The following CARMIL1 variants were observed in gnomAD, a reference collection of about 807,000 sequenced individuals.
CARMIL1 encodes the protein F-actin-uncapping protein LRRC16A.
In CARMIL1, 90 loss-of-function variants were observed where a neutral mutation model predicts 177.1. The ratio of observed to expected loss-of-function variants is 0.51; its 90% CI spans 0.43 to 0.61. CARMIL1 has a LOEUF of 0.61. CARMIL1 is among the 20% of genes least tolerant of loss of function. The pLI, the probability that CARMIL1 is intolerant of heterozygous loss-of-function variation, is 0.00. For synonymous variants in CARMIL1, 577 were observed against 606.2 expected (o/e 0.95, Z 0.71); for missense variants, 1,380 against 1,667.0 (o/e 0.83, Z 3.00).
chr6:25,607,118 A>T (rs1166583153), intron 35 of CARMIL1, among the ~76,000 whole-genome samples: 1 of 151,960 alleles, frequency 6.6e-6, no homozygotes, highest in Non-Finnish European at 1.5e-5. Context: ...ACTGCACTCC[A>T]GCCTGAGTGA....
rs1814828811 is a variant in CARMIL1, at chr6:25,596,181, TA to T, written c.3119+1655del. 2.8e-5 allele frequency among the ~76,000 whole-genome samples: 3 copies of T among 108,728 alleles called. 1 individual carries two copies. Among genetic ancestry groups the T allele is most frequent in the Admixed American group, 1.9e-4 (2 of 10,444 alleles). The allele number at this position is 108,728 out of a possible 152,430, so 71.3% of individuals were successfully genotyped here. ...GGTAAATTTTGTAAGGTATAAAATA[TA>T]TTTTTTTTATAAAGATACTGCTCAA... is the stretch of plus-strand genomic sequence containing the variant. On this transcript the variant is annotated intron_variant, in intron 32 of 36. Transcript: ENST00000329474.
intron 2 of CARMIL1, 82 bp from the exon 3 acceptor site, chr6:25,420,032 C>A: frequency 9.7e-7 from 1 of 1,035,366 alleles, no homozygotes; most frequent in Middle Eastern, 2.1e-4. Context: ...GTTTCAGTAT[C>A]ATTAAAGTCC....
At chr6:25,474,569 A>G (rs1050296901) in intron 11 of CARMIL1, among the ~76,000 whole-genome samples, 6 of 152,236 alleles carry the variant, frequency 3.9e-5, no homozygotes, top group Admixed American at 2.0e-4. Context: ...AAAGTAGTGA[A>G]TCTACAGGAA....
chr6:25,616,877 T>C lies in CARMIL1; in HGVS notation c.3980-2570T>C, dbSNP rs114880051. Among the ~76,000 whole-genome samples, 550 of 152,294 alleles carry C rather than the reference T, an allele frequency of 3.6e-3. 2 individuals carry two copies. The highest frequency in any genetic ancestry group is 0.013 in the African/African-American group (539 of 41,562). On this transcript the variant is annotated intron_variant, in intron 36 of 36. Transcript: ENST00000329474. ...TGCTTTGACCTTCAAACTCATCACA[T>C]TAATTGCATAACTTTAGGTCCTTGA...
At chr6:25,306,879 CTTT>C (rs35585232) in intron 2 of CARMIL1, among the ~76,000 whole-genome samples, 3 of 105,944 alleles carry the variant, frequency 2.8e-5, no homozygotes, top group African/African-American at 3.8e-5. Context: ...AGTGCCTTGG[CTTT>C]TTTTTTTTTT....
intron 5 of CARMIL1, among the ~76,000 whole-genome samples, chr6:25,449,305 A>T (rs569861576): frequency 6.6e-6 from 1 of 152,296 alleles, no homozygotes; most frequent in Non-Finnish European, 1.5e-5. Context: ...AAACTTTGGG[A>T]TGGTTGGCTG....
intron 2 of CARMIL1, among the ~76,000 whole-genome samples, chr6:25,406,890 G>A (rs1056208917): frequency 2.0e-5 from 3 of 152,156 alleles, no homozygotes. Context: ...GGAGTCATCT[G>A]GGATGGACTG....
intron 11 of CARMIL1, among the ~76,000 whole-genome samples, chr6:25,479,408 A>G (rs1468948145): frequency 1.3e-5 from 2 of 152,188 alleles, no homozygotes; most frequent in Non-Finnish European, 2.9e-5. Flanking sequence ...CATGTTTTTC[A>G]TAAGGGATTT....
intron 16 of CARMIL1, among the ~76,000 whole-genome samples, chr6:25,498,555 AG>A: frequency 6.6e-6 from 1 of 152,234 alleles, no homozygotes; most frequent in African/African-American, 2.4e-5. Flanking sequence ...TGAGAAAAGT[AG>A]GAAGTATTTT....
chr6:25,344,449 T>C (rs1269252910), intron 2 of CARMIL1, among the ~76,000 whole-genome samples: 1 of 152,164 alleles, frequency 6.6e-6, no homozygotes, highest in East Asian at 1.9e-4. Flanking sequence ...GGTTAAATCC[T>C]TCCCTCTCTT....
At chr6:25,345,281 T>C (rs1196908021) in intron 2 of CARMIL1, among the ~76,000 whole-genome samples, 1 of 152,218 alleles carries the variant, frequency 6.6e-6, no homozygotes, top group Non-Finnish European at 1.5e-5. Context: ...TTGGTTTTCC[T>C]GGTCTTTCTC....
At chr6:25,456,179 T>C (rs554893558) in intron 8 of CARMIL1, among the ~76,000 whole-genome samples, 1 of 152,242 alleles carries the variant, frequency 6.6e-6, no homozygotes, top group African/African-American at 2.4e-5. Flanking sequence ...TGCTGTTCTC[T>C]TTTCATTGTG....
At chr6:25,500,017 C>T in intron 16 of CARMIL1, 149 bp from the exon 17 acceptor site, 1 of 644,514 alleles carries the variant, frequency 1.6e-6, no homozygotes, top group Non-Finnish European at 2.7e-6. Context: ...ATGCTGTTGG[C>T]ATTTTAAAAA....
At chr6:25,614,513 A>G (rs887180085) in intron 36 of CARMIL1, among the ~76,000 whole-genome samples, 5 of 152,314 alleles carry the variant, frequency 3.3e-5, no homozygotes, top group African/African-American at 1.2e-4. Flanking sequence ...AACACCTAAG[A>G]CATTTATTTT....
At position 25,465,948 on chromosome 6, in the gene CARMIL1, G is replaced by A; in HGVS notation, c.690G>A (p.Leu230=). The change falls in exon 9 of 37, where the codon CTG becomes CTA. Residue 230 remains leucine (L), a splice_region_variant and synonymous_variant. Transcript: ENST00000329474. ...AACTGTCCTCTAAGGATCTAAAACTGGTAAGTAATCAAACATGCAGCAAAT... is the reference window on the plus strand; with the variant it reads ...AACTGTCCTCTAAGGATCTAAAACTAGTAAGTAATCAAACATGCAGCAAAT... ...FTKLSSKDLK[L]STDVCEQILR... is the part of the protein sequence containing the mutation. 1 of 1,601,666 alleles carries A rather than the reference G, an allele frequency of 6.2e-7. No homozygotes were observed. Among genetic ancestry groups the A allele is most frequent in the Non-Finnish European group, 8.6e-7 (1 of 1,169,006 alleles).
chr6:25,390,312 A>ATTT (rs1562073521), intron 2 of CARMIL1, among the ~76,000 whole-genome samples: 4 of 38,872 alleles, frequency 1.0e-4, no homozygotes, highest in African/African-American at 1.9e-4. Flanking sequence ...ATATATATAT[A>ATTT]TATATATATT....
chr6:25,589,344 A>T lies in CARMIL1; in HGVS notation c.3007-5071A>T, dbSNP rs116655495. Among the ~76,000 whole-genome samples the T allele has an allele frequency of 6.8e-3, 1,029 of 152,318 alleles. 7 individuals are homozygous for T. Among genetic ancestry groups the T allele is most frequent in the Middle Eastern group, 0.031 (9 of 294 alleles). On this transcript the variant is annotated intron_variant, in intron 31 of 36. Transcript: ENST00000329474. ...TAACAATATTTGTGGGCCAAATCTT[A>T]ATTCTTCAGCTCTTTCGATGTACTT...
intron 2 of CARMIL1, among the ~76,000 whole-genome samples, chr6:25,288,422 C>G (rs1218120257): frequency 1.3e-5 from 2 of 151,178 alleles, no homozygotes; most frequent in South Asian, 4.2e-4. Flanking sequence ...GGTTAAGGGC[C>G]CAGATTTTGG....
At chr6:25,500,329 G>T in intron 17 of CARMIL1, 94 bp downstream of exon 17, 1 of 1,018,726 alleles carries the variant, frequency 9.8e-7, no homozygotes, top group South Asian at 1.4e-5. Flanking sequence ...GATTCCACAG[G>T]GTGTAAATGA....
Sources: gnomAD v4.1 joint callset for allele counts (sites outside exome capture counted in the v4.1 genomes callset) on GRCh38, gnomAD v4.1.1 for gene constraint, MANE v1.5 for transcripts, NCBI Gene and HGNC (gene_info 2026-07-23, HGNC 2026-07-21) for gene names.